INTS12: variants seen among roughly 807,000 people sequenced by gnomAD.
The protein encoded by INTS12 is PHD finger protein 22.
In INTS12, 13 loss-of-function variants were observed where a neutral mutation model predicts 41.6. The observed-to-expected ratio is 0.31, with a 90% CI of 0.20 to 0.50. INTS12 has a LOEUF of 0.50. Ranked by LOEUF, INTS12 falls within the 20% of genes least tolerant of loss-of-function variation. INTS12 has a pLI of 0.98. For missense variants in INTS12, 432 were observed against 541.6 expected (o/e 0.80, Z 2.01); for synonymous variants, 199 against 191.4 (o/e 1.04, Z -0.33).
intron 7 of INTS12, among the ~76,000 whole-genome samples, chr4:105,686,335 C>A (rs1420020067): frequency 1.3e-5 from 2 of 152,172 alleles, no homozygotes; most frequent in Non-Finnish European, 2.9e-5. Flanking sequence ...GTAATCCACC[C>A]GCCTTGGCCT....
chr4:105,696,957 G>A (rs1731889012), intron 3 of INTS12, among the ~76,000 whole-genome samples: 1 of 152,130 alleles, frequency 6.6e-6, no homozygotes, highest in South Asian at 2.1e-4. Flanking sequence ...ATGATGTTGA[G>A]CAGCTTTTCA....
Position 105,697,385 on chromosome 4 carries a change from A to G in INTS12, c.157-1717T>C, listed in dbSNP as rs1489767494. On this transcript the variant is annotated intron_variant, in intron 3 of 7. Coordinates refer to ENST00000340139, the MANE Select transcript of INTS12 (RefSeq NM_020395.4). ...ACAAAAGTATAAATGGGAATAATAC[A>G]CAACAATTTCAGAATAGTGGTTACC... 2.6e-5 allele frequency among the ~76,000 whole-genome samples: 4 copies of G among 152,202 alleles called. No individual in the cohort carries two copies. In the East Asian group the frequency reaches 7.7e-4, roughly 29 times the overall value.
chr4:105,701,282 T>A (rs906147322), intron 2 of INTS12, among the ~76,000 whole-genome samples: 2 of 150,996 alleles, frequency 1.3e-5, no homozygotes, highest in African/African-American at 2.4e-5. Context: ...GTTATCTACC[T>A]GATAACTACA....
At chr4:105,698,588 C>A (rs1466754303) in intron 3 of INTS12, among the ~76,000 whole-genome samples, 1 of 152,074 alleles carries the variant, frequency 6.6e-6, no homozygotes, top group Non-Finnish European at 1.5e-5. Flanking sequence ...GTTTCCCTAT[C>A]TGGACAATAC....
chr4:105,707,027 T>C (rs1188275980), intron 1 of INTS12, among the ~76,000 whole-genome samples: 1 of 152,192 alleles, frequency 6.6e-6, no homozygotes, highest in Non-Finnish European at 1.5e-5. Context: ...CCAAATTTCT[T>C]GGCCTAGCAT....
intron 3 of INTS12, among the ~76,000 whole-genome samples, chr4:105,696,154 AC>A (rs1731858462): frequency 6.6e-6 from 1 of 152,106 alleles, no homozygotes; most frequent in African/African-American, 2.4e-5. Context: ...CCTGGCCCAA[AC>A]TACACCTACT....
intron 6 of INTS12, 198 bp from the exon 7 acceptor site, chr4:105,687,036 C>A: frequency 1.8e-6 from 1 of 568,240 alleles, no homozygotes; most frequent in East Asian, 3.1e-5. Context: ...AGTTTCTAAA[C>A]AGTAAAGATA....
chr4:105,699,655 C>T (rs1190653327), intron 3 of INTS12, among the ~76,000 whole-genome samples, 195 bp downstream of exon 3: 1 of 152,060 alleles, frequency 6.6e-6, no homozygotes, highest in Non-Finnish European at 1.5e-5. Context: ...ATCCTGCACC[C>T]CCAGCTGATT....
At chr4:105,706,560 T>C (rs1197023609) in intron 1 of INTS12, 1 of 152,218 alleles carries the variant, frequency 6.6e-6, no homozygotes, top group Non-Finnish European at 1.5e-5. Flanking sequence ...TTGAATCCCA[T>C]GTTTCCAAAT....
In INTS12 at chr4:105,683,052, G is replaced by A; in HGVS notation, c.1070C>T (p.Thr357Ile). The A allele has an allele frequency of 6.2e-7, 1 of 1,614,146 alleles. No homozygotes were observed. The highest frequency in any genetic ancestry group is 1.1e-5 in the South Asian group (1 of 91,086). ...KIGSNNSTTPTVPLKPPPPLT... is the reference protein window; with the variant it reads ...KIGSNNSTTPIVPLKPPPPLT... ...AGGTGGAGGTGGTTTTAAAGGTACA[G>A]TGGGCGTAGTGCTGTTATTGGAACC... The change falls in exon 8 of 8, where the codon ACT (threonine) becomes ATT (isoleucine). Residue 357 changes from threonine to isoleucine, a missense_variant. Physicochemically the swap from Thr to Ile is moderately conservative, Grantham distance 89 (BLOSUM62 -1). Coordinates refer to ENST00000340139, the MANE Select transcript of INTS12 (RefSeq NM_020395.4).
chr4:105,695,792 C>A, intron 3 of INTS12, 124 bp from the exon 4 acceptor site: 1 of 744,834 alleles, frequency 1.3e-6, no homozygotes, highest in Non-Finnish European at 2.2e-6. Context: ...TGTAATATTC[C>A]TTTCTTAAAT....
chr4:105,693,371 T>C lies in INTS12; in HGVS notation c.425A>G (p.Asp142Gly), dbSNP rs764914077. The C allele has an allele frequency of 4.3e-6, 7 of 1,614,020 alleles. No homozygotes were observed. Among genetic ancestry groups the C allele is most frequent in the Non-Finnish European group, 2.5e-6 (3 of 1,179,920 alleles). The change falls in exon 5 of 8, where the codon GAC becomes GGC. Residue 142 changes from aspartate to glycine, a missense_variant. Coordinates refer to ENST00000340139, the MANE Select transcript of INTS12 (RefSeq NM_020395.4). ...VQSSKDLPMA[D>G]LSSFEETSAD... is the part of the protein sequence containing the mutation. ...ACTGGTCTCCTCAAAACTGGAAAGG[T>C]CAGCCATAGGTAAATCCTTGCTACT...
chr4:105,698,534 T>C (rs995033171), intron 3 of INTS12, among the ~76,000 whole-genome samples: 6 of 149,986 alleles, frequency 4.0e-5, no homozygotes, highest in Admixed American at 6.6e-5. Flanking sequence ...AAACTTCCAT[T>C]TTAGAACCCC....
chr4:105,702,188 T>G (rs1334902278), intron 2 of INTS12, among the ~76,000 whole-genome samples: 1 of 142,306 alleles, frequency 7.0e-6, no homozygotes, highest in Non-Finnish European at 1.5e-5. Flanking sequence ...CAGGCTGGAG[T>G]GCAGTGGCAT....
chr4:105,688,289 C>T (rs978448186), intron 6 of INTS12, among the ~76,000 whole-genome samples: 4 of 152,138 alleles, frequency 2.6e-5, no homozygotes, highest in Admixed American at 2.6e-4. Flanking sequence ...TAAGCCCATA[C>T]AGTACTATAC....
Position 105,695,644 on chromosome 4 carries a change from T to C in INTS12, c.181A>G (p.Ser61Gly), listed in dbSNP as rs1486880231. 1 of 1,612,786 alleles carries C rather than the reference T, an allele frequency of 6.2e-7. No individual in the cohort carries two copies. Among genetic ancestry groups the C allele is most frequent in the South Asian group, 1.1e-5 (1 of 90,784 alleles). ...QKDVEPPKIS[S>G]TKNISIKQEP... Reference sequence around the variant, plus strand: ...TGCTTAATGGAAATGTTTTTTGTGCTTGAAATTTTGGGTGGCTCCACATCC... The same window carrying C: ...TGCTTAATGGAAATGTTTTTTGTGCCTGAAATTTTGGGTGGCTCCACATCC... Residue 61 changes from serine (S) to glycine (G), a missense_variant, in exon 4 of 8, where the codon AGC becomes GGC. Physicochemically the swap from Ser to Gly is moderately conservative, Grantham distance 56. Around this residue, in one of 3 missense-constraint regions of INTS12, gnomAD observed 168 missense variants for 198.9 expected, o/e 0.84. Coordinates refer to ENST00000340139, the MANE Select transcript of INTS12 (RefSeq NM_020395.4).
rs1182356330 is a variant in INTS12, at chr4:105,700,054, A to C, written c.-9-40T>G. 2.3e-6 allele frequency: 3 copies of C among 1,316,312 alleles called. No individual in the cohort carries two copies. In the East Asian group the frequency reaches 7.2e-5, roughly 32 times the overall value. The allele number at this position is 1,316,312 out of a possible 1,614,324, so 81.5% of individuals were successfully genotyped here. A position where few individuals can be genotyped will look rare whatever the true frequency, so the allele number is the denominator to read the frequency against. ...GAGAAAGTAATCTAGAAGACAATGC[A>C]CAATTATCTATGTTAAAGTTTTACT... On this transcript the variant is annotated intron_variant, in intron 2 of 7. Coordinates refer to ENST00000340139, the MANE Select transcript of INTS12 (RefSeq NM_020395.4).
rs895124711 is a variant in INTS12 at position 105,691,949 on chromosome 4, T to G, written c.657+27A>C. On this transcript the variant is annotated intron_variant, in intron 6 of 7. Coordinates refer to ENST00000340139, the MANE Select transcript of INTS12 (RefSeq NM_020395.4). ...CCAACAAAAACATTGACAGACTGTT[T>G]AAAATAAAGAAAAATATGATTCCTA... is the stretch of plus-strand genomic sequence containing the variant. 3 of 1,485,406 alleles carry G rather than the reference T, an allele frequency of 2.0e-6. No homozygotes were observed. The African/African-American group carries it at 4.3e-5, about 21-fold the overall frequency. The allele number at this position is 1,485,406 out of a possible 1,614,324, so 92.0% of individuals were successfully genotyped here.
chr4:105,689,700 C>T (rs1420087431), intron 6 of INTS12, among the ~76,000 whole-genome samples: 3 of 151,974 alleles, frequency 2.0e-5, no homozygotes, highest in Admixed American at 2.0e-4. Flanking sequence ...GTCAGGAGTT[C>T]GAGACCAGCC....
Sources: allele counts gnomAD v4.1 joint callset (sites outside exome capture counted in the v4.1 genomes callset), GRCh38; gene constraint gnomAD v4.1.1; regional missense constraint gnomAD v4.1.1; transcripts MANE v1.5; gene names NCBI Gene and HGNC (gene_info 2026-07-23, HGNC 2026-07-21).